Variants in KIFBP observed in about 807,000 individuals in gnomAD.
The protein encoded by KIFBP is KIF-binding protein.
A neutral mutation model predicts 58.9 loss-of-function variants in KIFBP; 46 were observed. The ratio of observed to expected loss-of-function variants is 0.78; its 90% CI spans 0.62 to 1.00. The LOEUF (loss-of-function observed/expected upper bound fraction) is 1.00, where lower values mean the gene tolerates loss of function less well. KIFBP is among the 50% of genes least tolerant of loss of function. The pLI is 0.00. For missense variants in KIFBP, 651 were observed against 752.9 expected, an observed-to-expected ratio of 0.86 and a Z score of 1.58; for synonymous variants, 241 against 283.4, an observed-to-expected ratio of 0.85 and a Z score of 1.50.
At position 69,008,389 on chromosome 10, in the gene KIFBP, A is replaced by ATATATATAT. The variant is rs1434053871; in HGVS notation, c.790-452_790-451insTATATATAT. On this transcript the variant is annotated intron_variant, in intron 4 of 6. Coordinates refer to ENST00000361983, the MANE Select transcript of KIFBP (RefSeq NM_015634.4). ...GACCCCTGTCTCGTAAAAAAAAAAAAAAATATATATATATATATATATATA... is the reference window on the plus strand; with the variant it reads ...GACCCCTGTCTCGTAAAAAAAAAAAATATATATATAAATATATATATATATATATATATA... Among the ~76,000 whole-genome samples the ATATATATAT allele has an allele frequency of 2.6e-3, 145 of 56,506 alleles. 1 individual carries two copies. Among genetic ancestry groups the ATATATATAT allele is most frequent in the African/African-American group, 7.7e-3 (89 of 11,564 alleles). 37.1% of individuals were successfully genotyped at this position (56,506 alleles called of 152,430 possible).
rs1016225730 is a variant in KIFBP, at chr10:69,013,456, A to G, written c.991-2085A>G. Among the ~76,000 whole-genome samples, 13 of 152,116 alleles carry G rather than the reference A, an allele frequency of 8.5e-5. No individual in the cohort carries two copies. The East Asian group carries it at 2.1e-3, about 25-fold the overall frequency. On this transcript the variant is annotated intron_variant, in intron 6 of 6. Transcript: ENST00000361983. ...GCTGTCAAGTTTATTCTGGTCAGGT[A>G]AAGAAAGCTGGAAAAGGAGGGTTGC...
chr10:69,009,522 T>G (rs1214640182), intron 5 of KIFBP, among the ~76,000 whole-genome samples: 1 of 152,196 alleles, frequency 6.6e-6, no homozygotes, highest in Non-Finnish European at 1.5e-5. Context: ...TCTGGAATTG[T>G]TCCTCAGCCT....
intron 1 of KIFBP, chr10:68,995,407 G>T (rs531217066): frequency 3.5e-4 from 53 of 152,198 alleles, no homozygotes; most frequent in Non-Finnish European, 5.6e-4. Context: ...TGAGCTGATC[G>T]TGTCTTTTCA....
At chr10:69,009,775 TTCA>T (rs1358154005) in intron 5 of KIFBP, among the ~76,000 whole-genome samples, 2 of 152,202 alleles carry the variant, frequency 1.3e-5, no homozygotes, top group African/African-American at 4.8e-5. Context: ...TTTTAATAAG[TTCA>T]TCATTTTCTT....
At chr10:69,009,611 A>C (rs186431966) in intron 5 of KIFBP, among the ~76,000 whole-genome samples, 25 of 152,182 alleles carry the variant, frequency 1.6e-4, no homozygotes, top group Non-Finnish European at 2.9e-4. Flanking sequence ...GGTTTGTGTG[A>C]TGTTTCCTTA....
rs1211667916 is a variant in KIFBP at position 69,008,377 on chromosome 10, TAA to T, written c.790-450_790-449del. On this transcript the variant is annotated intron_variant, in intron 4 of 6. Transcript: ENST00000361983. Reference sequence around the variant, plus strand: ...GGGCCAGAGTGAGACCCCTGTCTCGTAAAAAAAAAAAAAAATATATATATATA... The same window carrying T: ...GGGCCAGAGTGAGACCCCTGTCTCGTAAAAAAAAAAAAATATATATATATA... Among the ~76,000 whole-genome samples, 231 of 75,400 alleles carry T rather than the reference TAA, an allele frequency of 3.1e-3. 7 individuals are homozygous for T. The highest frequency in any genetic ancestry group is 0.017 in the African/African-American group (200 of 12,006). 49.5% of individuals were successfully genotyped at this position (75,400 alleles called of 152,430 possible).
intron 6 of KIFBP, among the ~76,000 whole-genome samples, chr10:69,012,039 C>T (rs1214092777): frequency 2.0e-5 from 3 of 152,074 alleles, no homozygotes; most frequent in Non-Finnish European, 4.4e-5. Flanking sequence ...TTACACACAG[C>T]ATGGACTTGA....
At chr10:68,990,637 A>C (rs538317387) in intron 1 of KIFBP, among the ~76,000 whole-genome samples, 1 of 152,324 alleles carries the variant, frequency 6.6e-6, no homozygotes, top group Non-Finnish European at 1.5e-5. Context: ...TAAAAAGTTA[A>C]AATAATATTG....
rs556903966 is a variant in KIFBP, at chr10:68,996,090, GGA to G, written c.427-4332_427-4331del. Among the ~76,000 whole-genome samples the G allele has an allele frequency of 3.7e-3, 561 of 151,900 alleles. 2 individuals carry two copies. Among genetic ancestry groups the G allele is most frequent in the African/African-American group, 0.013 (533 of 41,386 alleles). ...CAAGAATCGCTAGAACCCGGGAGGC[GGA>G]GGTTGCAGTGAGCCAAGATCATGTC... On this transcript the variant is annotated intron_variant, in intron 1 of 6. Transcript: ENST00000361983.
chr10:69,009,741 T>C (rs1350141738), intron 5 of KIFBP, among the ~76,000 whole-genome samples: 1 of 152,190 alleles, frequency 6.6e-6, no homozygotes, highest in Non-Finnish European at 1.5e-5. Context: ...AGTTAACATG[T>C]GTCTTTGAGT....
chr10:68,992,290 G>A (rs951280807), intron 1 of KIFBP, among the ~76,000 whole-genome samples: 1 of 152,188 alleles, frequency 6.6e-6, no homozygotes, highest in South Asian at 2.1e-4. Flanking sequence ...CACTGTGTCT[G>A]GCCTTTTAAA....
In KIFBP at chr10:69,016,444, C is replaced by T. The variant is rs1331688064; in HGVS notation, c.*28C>T. 1.2e-6 allele frequency: 2 copies of T among 1,610,900 alleles called. No individual in the cohort carries two copies. The highest frequency in any genetic ancestry group is 1.1e-5 in the South Asian group (1 of 90,988). ...CTTGTTTTTAAAGAAAGGAAATGTG[C>T]AATATTGAAGTGATCTTTTTCCCTA... On this transcript the variant is annotated 3_prime_UTR_variant, in exon 7 of 7. Coordinates refer to ENST00000361983, the MANE Select transcript of KIFBP (RefSeq NM_015634.4).
At chr10:69,012,189 G>T (rs1843602409) in intron 6 of KIFBP, among the ~76,000 whole-genome samples, 1 of 152,180 alleles carries the variant, frequency 6.6e-6, no homozygotes. Flanking sequence ...TCGTAGCTAT[G>T]TCTTTGTGGC....
At chr10:69,015,508 T>A (rs1564639337) in intron 6 of KIFBP, 33 bp from the exon 7 acceptor site, 1 of 1,603,840 alleles carries the variant, frequency 6.2e-7, no homozygotes, top group Non-Finnish European at 8.5e-7. Context: ...GTGAGTGTCC[T>A]ACTTAACCAT....
intron 1 of KIFBP, among the ~76,000 whole-genome samples, chr10:68,996,213 G>T (rs1564634596): frequency 2.0e-5 from 3 of 151,706 alleles, no homozygotes; most frequent in African/African-American, 7.3e-5. Flanking sequence ...GATTATCTCT[G>T]TGGAGTCAAG....
At position 68,992,212 on chromosome 10, in the gene KIFBP, C is replaced by T. The variant is rs74652782; in HGVS notation, c.426+2954C>T. ...TTCACCATGTTGCTCGGGCTGGTCT[C>T]GAACTACTGAGCTCAGGCAATTCTA... On this transcript the variant is annotated intron_variant, in intron 1 of 6. Coordinates refer to ENST00000361983, the MANE Select transcript of KIFBP (RefSeq NM_015634.4). 4.8e-3 allele frequency among the ~76,000 whole-genome samples: 726 copies of T among 152,138 alleles called. 7 individuals carry two copies. The highest frequency in any genetic ancestry group is 5.7e-3 in the Non-Finnish European group (388 of 67,998).
At chr10:68,991,683 A>ATTT (rs1843348418) in intron 1 of KIFBP, 1 of 183,186 alleles carries the variant, frequency 5.5e-6, no homozygotes, top group Non-Finnish European at 1.2e-5. Context: ...CAAAAGGGTA[A>ATTT]AGGCTGTGGG....
At chr10:69,003,044 CA>C (rs5785887) in intron 2 of KIFBP, among the ~76,000 whole-genome samples, 13,817 of 105,600 alleles carry the variant, frequency 0.13, 669 homozygotes, top group Admixed American at 0.19. Context: ...CCCGTCTTTA[CA>C]AAAAAAAAAA....
intron 4 of KIFBP, 175 bp downstream of exon 4, chr10:69,006,090 G>T (rs1251273322): frequency 1.7e-6 from 1 of 602,468 alleles, no homozygotes; most frequent in South Asian, 2.1e-5. Flanking sequence ...GTAGCTTTTT[G>T]TTGTATGAAT....
Sources: allele counts gnomAD v4.1 joint callset (sites outside exome capture counted in the v4.1 genomes callset), GRCh38; gene constraint gnomAD v4.1.1; transcripts MANE v1.5; gene names NCBI Gene and HGNC (gene_info 2026-07-23, HGNC 2026-07-21).